QRICH2: variants seen among roughly 807,000 people sequenced by gnomAD.
QRICH2 encodes glutamine-rich protein 2.
In QRICH2, 119 loss-of-function variants were observed where a neutral mutation model predicts 168.3. The ratio of observed to expected loss-of-function variants is 0.71; its 90% CI spans 0.61 to 0.82. QRICH2 has a LOEUF of 0.82. Ranked by LOEUF, QRICH2 falls within the 40% of genes least tolerant of loss-of-function variation. QRICH2 has a pLI of 0.00. For synonymous variants in QRICH2, 894 were observed against 951.2 expected (o/e 0.94, Z 1.11); for missense variants, 2,241 against 2,491.6 (o/e 0.90, Z 2.14).
Position 76,282,075 on chromosome 17 carries a change from G to A in QRICH2, c.4052C>T (p.Ser1351Phe). Reference protein sequence around the residue: ...LRMIIESMLTSSSTLLSMSMA... With the variant: ...LRMIIESMLTFSSTLLSMSMA... ...GCTCATGGACAGGAGCGTGGAGGAG[G>A]AGGTCAGCATGCTCTCAATGATCAT... Residue 1351 changes from serine to phenylalanine, a missense_variant, in exon 8 of 19, where the codon TCC becomes TTC. Ser to Phe is a radical substitution (Grantham distance 155). Transcript: ENST00000680821. 1.2e-6 allele frequency: 2 copies of A among 1,611,448 alleles called. No individual in the cohort carries two copies. The highest frequency in any genetic ancestry group is 1.7e-6 in the Non-Finnish European group (2 of 1,177,990).
chr17:76,274,332 A>G (rs1598472009), intron 18 of QRICH2, 72 bp from the exon 19 acceptor site: 1 of 1,468,090 alleles, frequency 6.8e-7, no homozygotes, highest in East Asian at 2.5e-5. Flanking sequence ...AGCCTGCCCA[A>G]TGCCCAGGGA....
Position 76,290,012 on chromosome 17 carries a change from C to T in QRICH2, c.3778G>A (p.Val1260Ile), listed in dbSNP as rs140513687. The T allele has an allele frequency of 1.2e-5, 19 of 1,609,134 alleles. No individual in the cohort carries two copies. The highest frequency in any genetic ancestry group is 9.4e-5 in the African/African-American group (7 of 74,602). The change falls in exon 5 of 19, where the codon GTT (valine) becomes ATT (isoleucine). Residue 1260 changes from valine to isoleucine, a missense_variant. Physicochemically the swap from Val to Ile is conservative, Grantham distance 29. This residue lies in a region of QRICH2 where 2,047 missense variants were observed against 2,303.8 expected (regional missense o/e 0.89). Coordinates refer to ENST00000680821, the MANE Select transcript of QRICH2 (RefSeq NM_001388453.1). ...CTTACTTTTGCTTTCTCCTGCCAAA[C>T]TTCTTTGGCTAGCGTCTTTACGGTC... is the stretch of plus-strand genomic sequence containing the variant. ...LKTVKTLAKE[V>I]WQEKAKVERL...
At chr17:76,303,728 C>A (rs1414308805) in intron 3 of QRICH2, among the ~76,000 whole-genome samples, 1 of 151,842 alleles carries the variant, frequency 6.6e-6, no homozygotes, top group Admixed American at 6.6e-5. Context: ...AAGAAATTAG[C>A]CAGGCGTGGT....
chr17:76,287,118 G>A (rs1171470773), intron 7 of QRICH2, 74 bp downstream of exon 7: 1 of 907,370 alleles, frequency 1.1e-6, no homozygotes, highest in Non-Finnish European at 1.8e-6. Flanking sequence ...TTTGATGAGA[G>A]GTGGGAGGGC....
At position 76,276,843 on chromosome 17, in the gene QRICH2, C is replaced by T. The variant is rs185248290; in HGVS notation, c.5266-76G>A. The stretch of plus-strand genomic sequence containing the variant: ...CTGGCCCCTTCACACGGGACTGAGG[C>T]ACAGAGCACTGTGGTCTCAGAACCC... On this transcript the variant is annotated intron_variant, in intron 16 of 18. Coordinates refer to ENST00000680821, the MANE Select transcript of QRICH2 (RefSeq NM_001388453.1). The T allele has an allele frequency of 2.7e-5, 31 of 1,169,296 alleles. No individual in the cohort carries two copies. In the African/African-American group the frequency reaches 4.5e-4, roughly 17 times the overall value. 72.4% of individuals were successfully genotyped at this position (1,169,296 alleles called of 1,614,324 possible). A position where few individuals can be genotyped will look rare whatever the true frequency, so the allele number is the denominator to read the frequency against.
chr17:76,307,433 CG>C lies in QRICH2; in HGVS notation c.534+31del. On this transcript the variant is annotated intron_variant, in intron 1 of 18. Coordinates refer to ENST00000680821, the MANE Select transcript of QRICH2 (RefSeq NM_001388453.1). The surrounding 1 kb of genome is among the most constrained non-coding windows in gnomAD (Gnocchi z 5.3). Reference sequence around the variant, plus strand: ...TGGAGGGCGGCCTGGAGGAGGCAGACGGCCTGCGCGTGCCTCCGTGTGCGTG... The same window carrying C: ...TGGAGGGCGGCCTGGAGGAGGCAGACGCCTGCGCGTGCCTCCGTGTGCGTG... 11 of 1,610,820 alleles carry C rather than the reference CG, an allele frequency of 6.8e-6. No homozygotes were observed. Among genetic ancestry groups the C allele is most frequent in the Non-Finnish European group, 8.5e-6 (10 of 1,177,766 alleles).
intron 12 of QRICH2, 117 bp from the exon 13 acceptor site, chr17:76,279,545 C>T: frequency 1.3e-6 from 1 of 755,036 alleles, no homozygotes; most frequent in East Asian, 2.7e-5. Flanking sequence ...CATGTCCCTG[C>T]TCCCCAGGAA....
Position 76,304,891 on chromosome 17 carries a change from C to G in QRICH2, c.585G>C (p.Glu195Asp). The G allele has an allele frequency of 6.2e-7, 1 of 1,612,718 alleles. No homozygotes were observed. Among genetic ancestry groups the G allele is most frequent in the Non-Finnish European group, 8.5e-7 (1 of 1,178,748 alleles). Reference protein sequence around the residue: ...DELEKLFKDREQFLELVSRKL... With the variant: ...DELEKLFKDRDQFLELVSRKL... ...AACTGGCTGGTATTACCAGGAATTG[C>G]TCCCGATCTTTGAATAGCTTCTCTA... is the stretch of plus-strand genomic sequence containing the variant. Residue 195 changes from glutamate (E) to aspartate (D), a missense_variant, in exon 2 of 19, where the codon GAG becomes GAC. Around this residue, in one of 3 missense-constraint regions of QRICH2, gnomAD observed 2,047 missense variants for 2,303.8 expected, o/e 0.89. Coordinates refer to ENST00000680821, the MANE Select transcript of QRICH2 (RefSeq NM_001388453.1).
intron 3 of QRICH2, among the ~76,000 whole-genome samples, chr17:76,298,514 T>A (rs2070841648): frequency 1.3e-5 from 2 of 151,538 alleles, no homozygotes. Flanking sequence ...AGAGACGGGG[T>A]CTTAATATGT....
At chr17:76,305,165 C>CTT (rs371179936) in intron 1 of QRICH2, among the ~76,000 whole-genome samples, 65 of 129,992 alleles carry the variant, frequency 5.0e-4, no homozygotes, top group South Asian at 1.2e-3. Flanking sequence ...TTTTGGTTTC[C>CTT]TTTTTTTTTT....
At chr17:76,286,884 A>G (rs920890887) in intron 7 of QRICH2, among the ~76,000 whole-genome samples, 4 of 151,706 alleles carry the variant, frequency 2.6e-5, no homozygotes, top group Non-Finnish European at 4.4e-5. Context: ...TCAAAAAAAA[A>G]AAAAAAAAAA....
In QRICH2 at chr17:76,281,473, GC is replaced by G. The variant is rs1249117805; in HGVS notation, c.4263+390del. On this transcript the variant is annotated intron_variant, in intron 8 of 18. Coordinates refer to ENST00000680821, the MANE Select transcript of QRICH2 (RefSeq NM_001388453.1). The surrounding 1 kb of genome is among the most constrained non-coding windows in gnomAD (Gnocchi z 4.4). ...GGACCCAGGATTTGTGGCTGTGCCC[GC>G]CCCCACCAGCAAGCCTGCCCTTTCT... Among the ~76,000 whole-genome samples the G allele has an allele frequency of 1.3e-5, 2 of 152,136 alleles. No homozygotes were observed. Among genetic ancestry groups the G allele is most frequent in the African/African-American group, 4.8e-5 (2 of 41,426 alleles).
At position 76,303,872 on chromosome 17, in the gene QRICH2, CAAA is replaced by C. The variant is rs67296304; in HGVS notation, c.705+540_705+542del. The stretch of plus-strand genomic sequence containing the variant: ...TGGGTAATAGAGCAAAACTCTGTCT[CAAA>C]AAAAAAAAAAAAAAAAAAGTCGCCA... On this transcript the variant is annotated intron_variant, in intron 3 of 18. Transcript: ENST00000680821. Among the ~76,000 whole-genome samples, 4 of 71,674 alleles carry C rather than the reference CAAA, an allele frequency of 5.6e-5. No homozygotes were observed. In the Middle Eastern group the frequency reaches 0.028, roughly 498 times the overall value. 47.0% of individuals were successfully genotyped at this position (71,674 alleles called of 152,430 possible). A position where few individuals can be genotyped will look rare whatever the true frequency, so the allele number is the denominator to read the frequency against.
chr17:76,274,415 G>A (rs1030139838), intron 18 of QRICH2, among the ~76,000 whole-genome samples, 155 bp from the exon 19 acceptor site: 6 of 152,206 alleles, frequency 3.9e-5, no homozygotes, highest in Non-Finnish European at 8.8e-5. Context: ...CGGGGGGCAC[G>A]GCGCAGGCCC....
intron 15 of QRICH2, among the ~76,000 whole-genome samples, chr17:76,277,773 C>T (rs374982827): frequency 2.0e-4 from 31 of 152,212 alleles, no homozygotes; most frequent in African/African-American, 6.5e-4. Context: ...CATACACACA[C>T]ACCCTTACAC....
chr17:76,278,908 C>G, intron 14 of QRICH2, 133 bp downstream of exon 14: 1 of 781,822 alleles, frequency 1.3e-6, no homozygotes, highest in Non-Finnish European at 2.2e-6. Context: ...GGAGGAGGCT[C>G]TCCACACTGT....
chr17:76,299,857 C>T lies in QRICH2; in HGVS notation c.705+4558G>A, dbSNP rs1297973787. Among the ~76,000 whole-genome samples, 4 of 150,350 alleles carry T rather than the reference C, an allele frequency of 2.7e-5. No individual in the cohort carries two copies. The South Asian group carries it at 6.4e-4, about 24-fold the overall frequency. On this transcript the variant is annotated intron_variant, in intron 3 of 18. Coordinates refer to ENST00000680821, the MANE Select transcript of QRICH2 (RefSeq NM_001388453.1). ...CTTTTTTTTTTTTGAGACGGAGTTT[C>T]GCTCTTGTTGCCCAGGCTGGAGTGC...
upstream of QRICH2, chr17:76,309,433 T>C (rs1287959642): frequency 6.6e-6 from 1 of 151,566 alleles, no homozygotes; most frequent in Non-Finnish European, 1.5e-5. Context: ...CAAAGCAGGA[T>C]TAAACAGCAC....
At chr17:76,297,880 T>TTTGTTTGTTTTTTG (rs1337878781) in intron 3 of QRICH2, among the ~76,000 whole-genome samples, 54 of 138,624 alleles carry the variant, frequency 3.9e-4, no homozygotes, top group African/African-American at 1.4e-3. Flanking sequence ...GTTTTTTTTT[T>TTTGTTTGTTTTTTG]TTTTTTTTTT....
Sources: allele counts gnomAD v4.1 joint callset (sites outside exome capture counted in the v4.1 genomes callset), GRCh38; gene constraint gnomAD v4.1.1; regional missense constraint gnomAD v4.1.1; non-coding constraint Gnocchi (gnomAD v3.1); transcripts MANE v1.5; gene names NCBI Gene and HGNC (gene_info 2026-07-23, HGNC 2026-07-21).